Variants in PKD1 observed in about 807,000 individuals in gnomAD.
PKD1 encodes the protein polycystin-1.
A neutral mutation model predicts 361.7 loss-of-function variants in PKD1; 81 were observed. The observed-to-expected ratio is 0.22, with a 90% confidence interval of 0.19 to 0.27. PKD1 has a LOEUF of 0.27. Ranked by LOEUF, PKD1 falls within the 10% of genes least tolerant of loss-of-function variation. The probability of loss-of-function intolerance (pLI) is 1.00; values close to 1 mark genes in which losing one functional copy is unlikely to be tolerated. For synonymous variants in PKD1, 3,615 were observed against 2,818.3 expected, an observed-to-expected ratio of 1.28 and a Z score of -8.95; for missense variants, 6,399 against 6,118.3, an observed-to-expected ratio of 1.05 and a Z score of -1.53.
rs747465702 is a variant in PKD1 at position 2,090,549 on chromosome 16, C to T, written c.12180G>A (p.Gln4060=). 4 of 1,609,692 alleles carry T rather than the reference C, an allele frequency of 2.5e-6. No individual in the cohort carries two copies. The highest frequency in any genetic ancestry group is 3.3e-5 in the Admixed American group (2 of 59,876). The change falls in exon 45 of 46, where the codon CAG becomes CAA. Residue 4060 remains glutamine (Q), a synonymous_variant. Transcript: ENST00000262304. ...TCCCAGGGCACAGCACCAACAGGGC[C>T]TGGGCCACGCTCCAGAGGGAGTCCA... ...SCVDSLWSVA[Q]ALLVLCPGTG...
chr16:2,108,747 G>C lies in PKD1; in HGVS notation c.6420C>G (p.Thr2140=). The C allele has an allele frequency of 6.4e-7, 1 of 1,571,020 alleles. No individual in the cohort carries two copies. ...GCTCCCGGCAGGCCAGCACCTGGAC[G>C]GTCACCGTGGCCTGCGCCACGAAGA... ...VSFFVAQATV[T]VQVLACREPE... Residue 2140 remains threonine, a synonymous_variant, in exon 15 of 46, where the codon ACC becomes ACG. Transcript: ENST00000262304.
Position 2,100,658 on chromosome 16 carries a change from A to T in PKD1, c.9398-92T>A, listed in dbSNP as rs945543217. The T allele has an allele frequency of 8.8e-7, 1 of 1,137,892 alleles. No homozygotes were observed. The highest frequency in any genetic ancestry group is 2.4e-5 in the East Asian group (1 of 42,026). 70.5% of individuals were successfully genotyped at this position (1,137,892 alleles called of 1,614,324 possible). ...GTCATCTCAGCTTTGGCCTGTGCGC[A>T]CTCAAGGAGCCACACAGGCAGTCCC... On this transcript the variant is annotated intron_variant, in intron 26 of 45. Coordinates refer to ENST00000262304, the MANE Select transcript of PKD1 (RefSeq NM_001009944.3). This position sits in a 1 kb window ranked among gnomAD's most constrained non-coding sequence, Gnocchi z 4.4.
chr16:2,104,652 G>A lies in PKD1; in HGVS notation c.8017-10C>T. ...GCTCCCTGCTGGGCCCCTGTGTGGAGCCAGCAGTGTCCAGCCCCGCTCCTG... is the reference window on the plus strand; with the variant it reads ...GCTCCCTGCTGGGCCCCTGTGTGGAACCAGCAGTGTCCAGCCCCGCTCCTG... On this transcript the variant is annotated splice_polypyrimidine_tract_variant and intron_variant, in intron 21 of 45. Coordinates refer to ENST00000262304, the MANE Select transcript of PKD1 (RefSeq NM_001009944.3). The A allele has an allele frequency of 2.0e-6, 3 of 1,468,778 alleles. No homozygotes were observed. Among genetic ancestry groups the A allele is most frequent in the East Asian group, 2.3e-5 (1 of 43,088 alleles). The allele number at this position is 1,468,778 out of a possible 1,614,324, so 91.0% of individuals were successfully genotyped here.
chr16:2,124,364 G>C (rs1353619472), intron 1 of PKD1, among the ~76,000 whole-genome samples: 1 of 152,254 alleles, frequency 6.6e-6, no homozygotes, highest in African/African-American at 2.4e-5. Context: ...CCAGGCGCTG[G>C]CTCTCCTGCC....
rs538278940 is a variant in PKD1 at position 2,113,878 on chromosome 16, C to T, written c.2853+292G>A. ...AGCCAGGCGAGAACACAGCAGAGGG[C>T]GTGAGAGACTCACGGGGGCTCGTGT... On this transcript the variant is annotated intron_variant, in intron 11 of 45. Coordinates refer to ENST00000262304, the MANE Select transcript of PKD1 (RefSeq NM_001009944.3). 109 of 514,312 alleles carry T rather than the reference C, an allele frequency of 2.1e-4. 2 individuals carry two copies. The South Asian group carries it at 2.1e-3, about 10-fold the overall frequency. 31.9% of individuals were successfully genotyped at this position (514,312 alleles called of 1,614,324 possible).
intron 1 of PKD1, among the ~76,000 whole-genome samples, chr16:2,131,411 G>C (rs2092877394): frequency 6.6e-6 from 1 of 152,142 alleles, no homozygotes; most frequent in African/African-American, 2.4e-5. Context: ...AGGAGGCTGA[G>C]GCAGGAGAAT....
Position 2,090,469 on chromosome 16 carries a change from C to G in PKD1, c.12260G>C (p.Cys4087Ser). Reference sequence around the variant, plus strand: ...CAGCCGCAGTGCCCAGAGCCCCACACACAGCAGGGGTGACAGGTGCCAGGA... The same window carrying G: ...CAGCCGCAGTGCCCAGAGCCCCACAGACAGCAGGGGTGACAGGTGCCAGGA... ...AESWHLSPLL[C>S]VGLWALRLWG... is the part of the protein sequence containing the mutation. Residue 4087 changes from cysteine to serine, a missense_variant, in exon 45 of 46, where the codon TGT (cysteine) becomes TCT (serine). Physicochemically the swap from Cys to Ser is moderately radical, Grantham distance 112. Transcript: ENST00000262304. The G allele has an allele frequency of 6.2e-7, 1 of 1,612,348 alleles. No homozygotes were observed. The highest frequency in any genetic ancestry group is 8.5e-7 in the Non-Finnish European group (1 of 1,179,800).
chr16:2,133,162 T>TG (rs1008515449), intron 1 of PKD1: 6 of 119,056 alleles, frequency 5.0e-5, no homozygotes, highest in African/African-American at 1.7e-4. Context: ...GGCTCTGGGG[T>TG]GGGGGGTCTG....
At chr16:2,101,481 G>C (rs1173925366) in intron 26 of PKD1, among the ~76,000 whole-genome samples, 1 of 152,136 alleles carries the variant, frequency 6.6e-6, no homozygotes, top group Admixed American at 6.5e-5. Context: ...ACTGGGTGTG[G>C]TGGTGTGCAC....
intron 11 of PKD1, 110 bp from the exon 12 acceptor site, chr16:2,113,402 G>T: frequency 1.8e-6 from 2 of 1,120,924 alleles, no homozygotes; most frequent in Non-Finnish European, 2.6e-6. Flanking sequence ...GGGGCACAGA[G>T]GAGAGGAGGT....
At chr16:2,107,759 T>A in intron 16 of PKD1, 124 bp downstream of exon 16, 1 of 898,942 alleles carries the variant, frequency 1.1e-6, no homozygotes, top group Non-Finnish European at 1.8e-6. Context: ...TTACATAGAA[T>A]TTGCATCAGA....
At position 2,116,537 on chromosome 16, in the gene PKD1, G is replaced by A. The variant is rs149022148; in HGVS notation, c.1714C>T (p.Pro572Ser). ...CGTGGGGGGCCGACTACCTCCACGG[G>A]CTCGTGCGGGGCTGAGAGGCCGTCC... is the stretch of plus-strand genomic sequence containing the variant. ...QQDGLSAPHE[P>S]VEVMVFPGLR... The change falls in exon 8 of 46, where the codon CCC becomes TCC. Residue 572 changes from proline (P) to serine (S), a missense_variant. Pro to Ser is a moderately conservative substitution (Grantham distance 74, BLOSUM62 -1). Coordinates refer to ENST00000262304, the MANE Select transcript of PKD1 (RefSeq NM_001009944.3). The A allele has an allele frequency of 6.2e-3, 9,556 of 1,530,406 alleles. 550 individuals are homozygous for A. The African/African-American group carries it at 0.11, about 18-fold the overall frequency. 94.8% of individuals were successfully genotyped at this position (1,530,406 alleles called of 1,614,324 possible).
intron 34 of PKD1, chr16:2,095,508 CAG>C (rs1176373931): frequency 6.6e-6 from 1 of 152,298 alleles, no homozygotes; most frequent in Admixed American, 6.5e-5. Flanking sequence ...CTCTCGCTGG[CAG>C]AGACGGAGAA....
chr16:2,094,659 G>A (rs2091767560), intron 34 of PKD1: 1 of 240,734 alleles, frequency 4.2e-6, no homozygotes, highest in Non-Finnish European at 8.3e-6. Flanking sequence ...ACATATGAAT[G>A]CCTTTCAAAT....
chr16:2,107,679 T>G, intron 16 of PKD1: 1 of 639,484 alleles, frequency 1.6e-6, no homozygotes, highest in Non-Finnish European at 2.8e-6. Context: ...CTAGAGCATA[T>G]GTGGCTTGAA....
chr16:2,088,736 T>C lies in PKD1; in HGVS notation c.*991A>G, dbSNP rs1464890960. 11 of 1,335,008 alleles carry C rather than the reference T, an allele frequency of 8.2e-6. No homozygotes were observed. The highest frequency in any genetic ancestry group is 1.4e-5 in the South Asian group (1 of 73,850). The allele number at this position is 1,335,008 out of a possible 1,614,324, so 82.7% of individuals were successfully genotyped here. A position where few individuals can be genotyped will look rare whatever the true frequency, so the allele number is the denominator to read the frequency against. ...CAGTCAGACAGCTCTTTTATTGACT[T>C]TGTCTGCTTGGTGCGGGGGTTGGGG... On this transcript the variant is annotated 3_prime_UTR_variant, in exon 46 of 46. Coordinates refer to ENST00000262304, the MANE Select transcript of PKD1 (RefSeq NM_001009944.3).
chr16:2,125,005 A>C (rs1365828809), intron 1 of PKD1, among the ~76,000 whole-genome samples: 1 of 152,120 alleles, frequency 6.6e-6, no homozygotes, highest in African/African-American at 2.4e-5. Context: ...AATGGGCTGC[A>C]GTGTGGGCGC....
chr16:2,129,727 T>C (rs1164605979), intron 1 of PKD1, among the ~76,000 whole-genome samples: 1 of 151,402 alleles, frequency 6.6e-6, no homozygotes, highest in Non-Finnish European at 1.5e-5. Context: ...TGTTCTTTTA[T>C]TTTTTAGAGA....
chr16:2,091,721 G>T, intron 41 of PKD1, 60 bp downstream of exon 41: 2 of 1,595,056 alleles, frequency 1.3e-6, no homozygotes, highest in South Asian at 1.1e-5. Context: ...GAGGAGTGAG[G>T]GTGGGCTCCT....
Sources: gnomAD v4.1 joint callset for allele counts (sites outside exome capture counted in the v4.1 genomes callset) on GRCh38, gnomAD v4.1.1 for gene constraint, Gnocchi (gnomAD v3.1) non-coding constraint, MANE v1.5 for transcripts, NCBI Gene and HGNC (gene_info 2026-07-23, HGNC 2026-07-21) for gene names.